Variants in NIPA1 observed in about 807,000 individuals in gnomAD.
NIPA1 encodes the protein magnesium transporter NIPA1.
A neutral mutation model predicts 23.9 loss-of-function variants in NIPA1; 13 were observed. The observed-to-expected ratio is 0.54, with a 90% CI of 0.35 to 0.87. The LOEUF is 0.87. Ranked by LOEUF, NIPA1 falls within the 40% of genes least tolerant of loss-of-function variation. The probability of loss-of-function intolerance (pLI) is 0.01; values close to 1 mark genes in which losing one functional copy is unlikely to be tolerated. For synonymous variants in NIPA1, 234 were observed against 202.9 expected (o/e 1.15, Z -1.30); for missense variants, 362 against 429.7 (o/e 0.84, Z 1.39).
chr15:22,791,199 G>A (rs1894817336), intron 1 of NIPA1, among the ~76,000 whole-genome samples: 1 of 152,102 alleles, frequency 6.6e-6, no homozygotes, highest in East Asian at 1.9e-4. Context: ...CTCTCAAGTT[G>A]CCCGCTTGGC....
chr15:22,797,894 G>T (rs1189168577), intron 1 of NIPA1, among the ~76,000 whole-genome samples: 4 of 149,224 alleles, frequency 2.7e-5, no homozygotes, highest in African/African-American at 4.9e-5. Flanking sequence ...ACCCAGGCTG[G>T]AGTGCCGTGG....
chr15:22,797,542 G>T (rs1291039749), intron 1 of NIPA1, among the ~76,000 whole-genome samples: 1 of 114,744 alleles, frequency 8.7e-6, no homozygotes, highest in Non-Finnish European at 1.7e-5. Context: ...AGTTTTGCTC[G>T]TTTCCCAGGC....
rs868313406 is a variant in NIPA1 at position 22,822,915 on chromosome 15, T to G, written c.479-813T>G. Among the ~76,000 whole-genome samples the G allele has an allele frequency of 6.7e-3, 845 of 125,844 alleles. 12 individuals carry two copies. The highest frequency in any genetic ancestry group is 0.025 in the African/African-American group (779 of 31,486). The allele number at this position is 125,844 out of a possible 152,430, so 82.6% of individuals were successfully genotyped here. On this transcript the variant is annotated intron_variant, in intron 4 of 4. Coordinates refer to ENST00000337435, the MANE Select transcript of NIPA1 (RefSeq NM_144599.5). ...ATTTAGGAGCTGTAAATGGTTTTTT[T>G]TTTTTTTTTTTTTTTTTTTTTGAGA... is the stretch of plus-strand genomic sequence containing the variant.
intron 1 of NIPA1, among the ~76,000 whole-genome samples, chr15:22,787,218 C>T (rs963897655): frequency 6.6e-5 from 10 of 152,130 alleles, no homozygotes; most frequent in African/African-American, 2.4e-4. Context: ...AACCCGCGGC[C>T]GGGAGCCTCC....
intron 1 of NIPA1, among the ~76,000 whole-genome samples, chr15:22,802,366 T>C (rs1895102776): frequency 7.5e-6 from 1 of 132,604 alleles, no homozygotes; most frequent in Non-Finnish European, 1.5e-5. Context: ...CCCTTCAACC[T>C]GGGCGACAGA....
chr15:22,822,908 G>GTTTT (rs59308538), intron 4 of NIPA1, among the ~76,000 whole-genome samples: 2 of 91,442 alleles, frequency 2.2e-5, no homozygotes, highest in African/African-American at 5.0e-5. Context: ...GCTGTAAATG[G>GTTTT]TTTTTTTTTT....
At chr15:22,822,356 G>C (rs1389021684) in intron 4 of NIPA1, among the ~76,000 whole-genome samples, 1 of 152,074 alleles carries the variant, frequency 6.6e-6, no homozygotes, top group Non-Finnish European at 1.5e-5. Flanking sequence ...TGATGGGGGT[G>C]GGGGTTGCTG....
chr15:22,799,092 AAAAT>A (rs1895008199), intron 1 of NIPA1, among the ~76,000 whole-genome samples: 1 of 152,130 alleles, frequency 6.6e-6, no homozygotes, highest in Admixed American at 6.6e-5. Context: ...TACTCAAAGG[AAAAT>A]AAATAGTTTT....
At chr15:22,814,278 G>A (rs1482069101) in intron 3 of NIPA1, 1 of 286,838 alleles carries the variant, frequency 3.5e-6, no homozygotes, top group East Asian at 7.9e-5. Flanking sequence ...TTTTTTTTGA[G>A]ACGGAGTCTC....
In NIPA1 at chr15:22,824,473, C is replaced by T. The variant is rs1352401500; in HGVS notation, c.*234C>T. ...CTGGCACCATCTCTCTCTGATGAGA[C>T]GAATCTCATTTTCATTTCCATTAAC... On this transcript the variant is annotated 3_prime_UTR_variant, in exon 5 of 5. Transcript: ENST00000337435. This position sits in a 1 kb window ranked among gnomAD's most constrained non-coding sequence, Gnocchi z 4.1. 3.2e-5 allele frequency: 17 copies of T among 530,228 alleles called. No homozygotes were observed. The East Asian group carries it at 5.1e-4, about 16-fold the overall frequency. 32.8% of individuals were successfully genotyped at this position (530,228 alleles called of 1,614,324 possible). A position where few individuals can be genotyped will look rare whatever the true frequency, so the allele number is the denominator to read the frequency against.
At chr15:22,808,622 C>T (rs568891695) in intron 1 of NIPA1, among the ~76,000 whole-genome samples, 9 of 151,584 alleles carry the variant, frequency 5.9e-5, no homozygotes, top group East Asian at 5.8e-4. Flanking sequence ...TTTTAGTATC[C>T]GTTAATGATT....
At chr15:22,808,850 TGTAGAGA>T (rs1895265416) in intron 1 of NIPA1, among the ~76,000 whole-genome samples, 1 of 151,880 alleles carries the variant, frequency 6.6e-6, no homozygotes, top group African/African-American at 2.4e-5. Flanking sequence ...TTAAATTTTT[TGTAGAGA>T]TAGAGTCTTG....
intron 1 of NIPA1, among the ~76,000 whole-genome samples, chr15:22,794,155 C>A (rs1422737978): frequency 6.6e-6 from 1 of 151,952 alleles, no homozygotes; most frequent in Non-Finnish European, 1.5e-5. Flanking sequence ...CTGCAACAAC[C>A]TAGCAACCAG....
chr15:22,804,762 G>A (rs565338090), intron 1 of NIPA1, among the ~76,000 whole-genome samples: 4 of 152,188 alleles, frequency 2.6e-5, no homozygotes, highest in African/African-American at 7.2e-5. Flanking sequence ...TGTATGGACC[G>A]ATTTCTGAAC....
rs967200645 is a variant in NIPA1 at position 22,824,448 on chromosome 15, C to G, written c.*209C>G. On this transcript the variant is annotated 3_prime_UTR_variant, in exon 5 of 5. Coordinates refer to ENST00000337435, the MANE Select transcript of NIPA1 (RefSeq NM_144599.5). This position sits in a 1 kb window ranked among gnomAD's most constrained non-coding sequence, Gnocchi z 4.1. ...CAGCCCAAACGTCCCCAACGGTTGC[C>G]TGGCACCATCTCTCTCTGATGAGAC... The G allele has an allele frequency of 1.0e-5, 6 of 588,158 alleles. No homozygotes were observed. The highest frequency in any genetic ancestry group is 5.7e-5 in the East Asian group (2 of 34,846). The allele number at this position is 588,158 out of a possible 1,614,324, so 36.4% of individuals were successfully genotyped here.
In NIPA1 at chr15:22,823,305, C is replaced by G. The variant is rs60104678; in HGVS notation, c.479-423C>G. The stretch of plus-strand genomic sequence containing the variant: ...TCTCGGCTCACTGCAACCTCCACCC[C>G]CTAGGTTCAAGTGATTCTCCTGCCT... On this transcript the variant is annotated intron_variant, in intron 4 of 4. Transcript: ENST00000337435. Among the ~76,000 whole-genome samples, 116 of 151,700 alleles carry G rather than the reference C, an allele frequency of 7.6e-4. 2 individuals carry two copies. Among genetic ancestry groups the G allele is most frequent in the African/African-American group, 2.5e-3 (105 of 41,326 alleles).
Position 22,824,227 on chromosome 15 carries a change from G to A in NIPA1, c.978G>A (p.Met326Ile), listed in dbSNP as rs1234908885. ...TTGGGGAGATGAACAAATCTAATATGAAAACAGACTAGATTGCAATAGGAG... is the reference window on the plus strand; with the variant it reads ...TTGGGGAGATGAACAAATCTAATATAAAAACAGACTAGATTGCAATAGGAG... ...FNLGEMNKSN[M>I]KTD The change falls in exon 5 of 5, where the codon ATG becomes ATA. Residue 326 changes from methionine to isoleucine, a missense_variant. This residue lies in a region of NIPA1 where 277 missense variants were observed against 372.0 expected (regional missense o/e 0.74). Coordinates refer to ENST00000337435, the MANE Select transcript of NIPA1 (RefSeq NM_144599.5). This position sits in a 1 kb window ranked among gnomAD's most constrained non-coding sequence, Gnocchi z 4.1. 2 of 1,613,244 alleles carry A rather than the reference G, an allele frequency of 1.2e-6. No individual in the cohort carries two copies. Among genetic ancestry groups the A allele is most frequent in the Non-Finnish European group, 1.7e-6 (2 of 1,179,262 alleles).
At chr15:22,822,463 T>TAA (rs1016491447) in intron 4 of NIPA1, among the ~76,000 whole-genome samples, 1 of 152,138 alleles carries the variant, frequency 6.6e-6, no homozygotes, top group Non-Finnish European at 1.5e-5. Context: ...TCCCCTGCCT[T>TAA]ACCCCTGCCC....
intron 1 of NIPA1, among the ~76,000 whole-genome samples, chr15:22,799,997 C>T (rs537191246): frequency 1.5e-5 from 2 of 131,536 alleles, no homozygotes; most frequent in African/African-American, 5.7e-5. Context: ...ATGTAATAGA[C>T]ACTGGGGACT....
Sources: allele counts gnomAD v4.1 joint callset (sites outside exome capture counted in the v4.1 genomes callset), GRCh38; gene constraint gnomAD v4.1.1; regional missense constraint gnomAD v4.1.1; non-coding constraint Gnocchi (gnomAD v3.1); transcripts MANE v1.5; gene names NCBI Gene and HGNC (gene_info 2026-07-23, HGNC 2026-07-21).